SGCD: variants seen among roughly 807,000 people sequenced by gnomAD.
SGCD encodes the protein sarcoglycan delta, also known as delta-sarcoglycan.
In SGCD, 18 loss-of-function variants were observed where a neutral mutation model predicts 36.6. The observed-to-expected ratio is 0.49, with a 90% CI of 0.34 to 0.73. The LOEUF is 0.73. Among genes scored for constraint, SGCD ranks in the 30% least tolerant of loss-of-function variants. The pLI is 0.01. For synonymous variants in SGCD, 133 were observed against 130.6 expected (o/e 1.02, Z -0.12); for missense variants, 387 against 346.7 (o/e 1.12, Z -0.92).
intron 3 of SGCD, among the ~76,000 whole-genome samples, chr5:156,392,439 G>A (rs13159788): frequency 3.3e-5 from 5 of 152,170 alleles, no homozygotes; most frequent in Non-Finnish European, 7.4e-5. Context: ...AAACTTCTAA[G>A]GGGAGCATAC....
At chr5:156,038,483 T>C (rs1282594645) in intron 1 of SGCD, among the ~76,000 whole-genome samples, 2 of 152,186 alleles carry the variant, frequency 1.3e-5, no homozygotes, top group Admixed American at 1.3e-4. Context: ...ACCATGGCTA[T>C]ATAAGATGTT....
intron 1 of SGCD, among the ~76,000 whole-genome samples, chr5:155,930,398 G>A (rs938947903): frequency 6.6e-6 from 1 of 152,216 alleles, no homozygotes; most frequent in Non-Finnish European, 1.5e-5. Flanking sequence ...TGAGCATACT[G>A]TATTGTGCAA....
chr5:155,802,236 G>A, the SGCD span, among the ~76,000 whole-genome samples: 1 of 152,154 alleles, frequency 6.6e-6, no homozygotes, highest in African/African-American at 2.4e-5. Flanking sequence ...AAAGAAGACA[G>A]AGAACTCACT....
At chr5:156,593,255 GA>G (rs1432333066) in intron 5 of SGCD, among the ~76,000 whole-genome samples, 1 of 152,122 alleles carries the variant, frequency 6.6e-6, no homozygotes, top group Non-Finnish European at 1.5e-5. Flanking sequence ...TTGACAAAGA[GA>G]AAAGCCACCC....
rs1424386405 is a variant in SGCD, at chr5:156,320,695, T to C, written c.-43-8839T>C. Among the ~76,000 whole-genome samples, 3 of 152,218 alleles carry C rather than the reference T, an allele frequency of 2.0e-5. No homozygotes were observed. In the East Asian group the frequency reaches 5.8e-4, roughly 29 times the overall value. ...TTTGAGAATCCCTCATTGTGTACCATGTATATATTTGAATTTCCGAAACAG... is the reference window on the plus strand; with the variant it reads ...TTTGAGAATCCCTCATTGTGTACCACGTATATATTTGAATTTCCGAAACAG... On this transcript the variant is annotated intron_variant, in intron 3 of 9. Coordinates refer to the SGCD transcript ENST00000517913.
At chr5:156,001,178 T>C (rs1354826351) in intron 1 of SGCD, among the ~76,000 whole-genome samples, 1 of 152,200 alleles carries the variant, frequency 6.6e-6, no homozygotes, top group East Asian at 1.9e-4. Context: ...TGGGAGTTGA[T>C]ATATAAATGG....
intron 3 of SGCD, among the ~76,000 whole-genome samples, chr5:156,403,732 C>G (rs574852340): frequency 3.9e-5 from 6 of 152,220 alleles, no homozygotes; most frequent in Admixed American, 2.0e-4. Flanking sequence ...CATCACCAGC[C>G]TTTGCAGTTA....
Position 155,999,917 on chromosome 5 carries a change from A to G in SGCD, c.-281-117961A>G, listed in dbSNP as rs549393758. Among the ~76,000 whole-genome samples the G allele has an allele frequency of 1.1e-3, 172 of 152,310 alleles. 1 individual carries two copies. The highest frequency in any genetic ancestry group is 3.9e-3 in the African/African-American group (161 of 41,578). On this transcript the variant is annotated intron_variant, in intron 1 of 9. Coordinates refer to the SGCD transcript ENST00000517913. ...AAGTACAAATGGAGGCCCACCTACT[A>G]TTGGTATGAAGATTTAAACGTTATG...
chr5:156,398,555 T>G (rs1248201843), intron 3 of SGCD, among the ~76,000 whole-genome samples: 1 of 152,210 alleles, frequency 6.6e-6, no homozygotes, highest in Non-Finnish European at 1.5e-5. Flanking sequence ...AATAGGTGCC[T>G]TCCTGCCATA....
chr5:156,713,028 A>G (rs182334000), intron 7 of SGCD, among the ~76,000 whole-genome samples: 1 of 152,288 alleles, frequency 6.6e-6, no homozygotes, highest in East Asian at 1.9e-4. Flanking sequence ...GAATTAATAT[A>G]TAAATACAGG....
At chr5:156,048,672 G>A (rs1297104205) in intron 1 of SGCD, among the ~76,000 whole-genome samples, 3 of 152,094 alleles carry the variant, frequency 2.0e-5, no homozygotes, top group African/African-American at 7.2e-5. Flanking sequence ...TGATGGGGTT[G>A]TTTGTTTTTT....
chr5:156,570,396 A>G (rs1465219092), intron 4 of SGCD, among the ~76,000 whole-genome samples: 1 of 152,228 alleles, frequency 6.6e-6, no homozygotes, highest in Non-Finnish European at 1.5e-5. Flanking sequence ...GGTCAGCAGA[A>G]TCTATCATTT....
chr5:156,053,147 T>G (rs1421398670), intron 1 of SGCD, among the ~76,000 whole-genome samples: 1 of 146,570 alleles, frequency 6.8e-6, no homozygotes, highest in East Asian at 1.9e-4. Context: ...CACTGCCAGT[T>G]GGGGCATTTA....
At position 156,119,199 on chromosome 5, in the gene SGCD, CTG is replaced by C. The variant is rs543661117; in HGVS notation, c.-208+1249_-208+1250del. On this transcript the variant is annotated intron_variant, in intron 2 of 9. Transcript: ENST00000517913. ...AGTTTTCAGTTAGACTATTAGGAGA[CTG>C]AGATATTCCTTTGGATTTTAAGTTG... Among the ~76,000 whole-genome samples, 18 of 152,192 alleles carry C rather than the reference CTG, an allele frequency of 1.2e-4. No homozygotes were observed. The East Asian group carries it at 3.5e-3, about 29-fold the overall frequency.
At chr5:156,757,297 A>T in intron 7 of SGCD, among the ~76,000 whole-genome samples, 1 of 140,046 alleles carries the variant, frequency 7.1e-6, no homozygotes, top group Admixed American at 7.1e-5. Flanking sequence ...AAAAGCTTAT[A>T]TGAGTTTGAT....
intron 3 of SGCD, among the ~76,000 whole-genome samples, chr5:156,468,711 G>C (rs1228933320): frequency 6.6e-6 from 1 of 152,162 alleles, no homozygotes; most frequent in Admixed American, 6.5e-5. Flanking sequence ...CAATAATGTG[G>C]CTGTGTGTGG....
Position 155,905,543 on chromosome 5 carries a change from G to A in SGCD, c.-282+35119G>A, listed in dbSNP as rs559487533. ...AGCTAAGTTCTCACGTGCCAATGAA[G>A]TCTGACCATTGCATTACTGGCATAC... On this transcript the variant is annotated intron_variant, in intron 1 of 9. Coordinates refer to the SGCD transcript ENST00000517913. Among the ~76,000 whole-genome samples the A allele has an allele frequency of 2.0e-4, 31 of 152,180 alleles. No homozygotes were observed. The South Asian group carries it at 6.2e-3, about 31-fold the overall frequency.
chr5:156,128,980 T>G lies in SGCD; in HGVS notation c.-44+4961T>G, dbSNP rs1043262491. ...ACACCAAAAATAACTTGTATAATTTTATGTATATGAAATTAGAGAATAGTC... is the reference window on the plus strand; with the variant it reads ...ACACCAAAAATAACTTGTATAATTTGATGTATATGAAATTAGAGAATAGTC... On this transcript the variant is annotated intron_variant, in intron 3 of 9. Transcript: ENST00000517913. Among the ~76,000 whole-genome samples the G allele has an allele frequency of 5.3e-5, 8 of 152,308 alleles. No homozygotes were observed. The South Asian group carries it at 8.3e-4, about 16-fold the overall frequency.
At chr5:156,197,329 T>A (rs1043201997) in intron 3 of SGCD, among the ~76,000 whole-genome samples, 1 of 152,138 alleles carries the variant, frequency 6.6e-6, no homozygotes, top group Non-Finnish European at 1.5e-5. Flanking sequence ...ACGGATTAGT[T>A]TGAAACACAT....
Sources: allele counts gnomAD v4.1 joint callset (sites outside exome capture counted in the v4.1 genomes callset), GRCh38; gene constraint gnomAD v4.1.1; transcripts MANE v1.5; gene names NCBI Gene and HGNC (gene_info 2026-07-23, HGNC 2026-07-21).